ITGB5: variants seen among roughly 807,000 people sequenced by gnomAD.
ITGB5 encodes integrin subunit beta 5.
A neutral mutation model predicts 84.8 loss-of-function variants in ITGB5; 38 were observed. The ratio of observed to expected loss-of-function variants is 0.45; its 90% confidence interval spans 0.35 to 0.59. The LOEUF (loss-of-function observed/expected upper bound fraction) is 0.59, where lower values mean the gene tolerates loss of function less well. Ranked by LOEUF, ITGB5 falls within the 20% of genes least tolerant of loss-of-function variation. The pLI is 0.01. For synonymous variants in ITGB5, 393 were observed against 414.4 expected (o/e 0.95, Z 0.63); for missense variants, 905 against 1,034.5 (o/e 0.87, Z 1.72).
intron 10 of ITGB5, among the ~76,000 whole-genome samples, chr3:124,783,521 T>G (rs956897636): frequency 3.9e-5 from 6 of 152,318 alleles, no homozygotes; most frequent in African/African-American, 1.4e-4. Context: ...GTCAGGCGTG[T>G]AGAAGATGCT....
At chr3:124,875,115 T>C (rs1428262780) in intron 1 of ITGB5, among the ~76,000 whole-genome samples, 1 of 152,112 alleles carries the variant, frequency 6.6e-6, no homozygotes, top group African/African-American at 2.4e-5. Context: ...ATCTGATAAG[T>C]GGTTAACATC....
intron 4 of ITGB5, among the ~76,000 whole-genome samples, chr3:124,845,984 G>T (rs759086937): frequency 6.6e-6 from 1 of 152,200 alleles, no homozygotes; most frequent in Admixed American, 6.5e-5. Flanking sequence ...GCCACCTGTC[G>T]CCAGGAGGAA....
intron 2 of ITGB5, among the ~76,000 whole-genome samples, chr3:124,866,016 G>A (rs1049883036): frequency 2.6e-5 from 4 of 151,982 alleles, no homozygotes; most frequent in Admixed American, 6.6e-5. Context: ...TTGTTTTTGA[G>A]ATGGAATCTC....
chr3:124,773,467 T>C (rs914787444), intron 11 of ITGB5, among the ~76,000 whole-genome samples: 2 of 152,238 alleles, frequency 1.3e-5, no homozygotes, highest in Non-Finnish European at 1.5e-5. Context: ...AGTTTTGTAT[T>C]TCTTGTTCTG....
intron 3 of ITGB5, among the ~76,000 whole-genome samples, chr3:124,851,028 A>C (rs959109590): frequency 6.6e-6 from 1 of 152,220 alleles, no homozygotes; most frequent in Admixed American, 6.5e-5. Context: ...CTGTCCCCCC[A>C]AGTTCCCACC....
chr3:124,849,272 C>T (rs1385769627), intron 3 of ITGB5, among the ~76,000 whole-genome samples: 2 of 152,052 alleles, frequency 1.3e-5, no homozygotes, highest in African/African-American at 2.4e-5. Context: ...TGGGAATGTG[C>T]GTTTGAAACA....
upstream of ITGB5, among the ~76,000 whole-genome samples, chr3:124,889,396 C>G (rs1215698912): frequency 6.6e-6 from 1 of 152,194 alleles, no homozygotes; most frequent in Non-Finnish European, 1.5e-5. Flanking sequence ...AACCAATGTA[C>G]GTCTTACACA....
chr3:124,765,091 CTT>C (rs1380873480), intron 13 of ITGB5, among the ~76,000 whole-genome samples: 1 of 152,198 alleles, frequency 6.6e-6, no homozygotes, highest in East Asian at 1.9e-4. Context: ...TGGTACCACA[CTT>C]CTCTCTGCCT....
intron 2 of ITGB5, among the ~76,000 whole-genome samples, chr3:124,870,511 G>A (rs1234464260): frequency 1.3e-5 from 2 of 152,110 alleles, no homozygotes; most frequent in African/African-American, 2.4e-5. Flanking sequence ...GGTGGATCAC[G>A]AGGTCAGGAG....
At chr3:124,848,622 G>A (rs1466542476) in intron 3 of ITGB5, 64 bp from the exon 4 acceptor site, 7 of 1,530,006 alleles carry the variant, frequency 4.6e-6, no homozygotes, top group Non-Finnish European at 6.1e-6. Flanking sequence ...TGAGGGATGG[G>A]ATTTGCTTTC....
chr3:124,835,010 T>C (rs1219855694), intron 5 of ITGB5, among the ~76,000 whole-genome samples: 3 of 152,152 alleles, frequency 2.0e-5, no homozygotes, highest in Admixed American at 6.5e-5. Flanking sequence ...GCCCCAGCCA[T>C]CAAAGGGGCC....
At chr3:124,829,641 A>C (rs1248352461) in intron 5 of ITGB5, among the ~76,000 whole-genome samples, 3 of 152,170 alleles carry the variant, frequency 2.0e-5, no homozygotes, top group Non-Finnish European at 4.4e-5. Context: ...ACAAACTGGC[A>C]TGTCCTCCCA....
chr3:124,900,624 C>T (rs1935196172), intron 1 of ITGB5, among the ~76,000 whole-genome samples: 1 of 152,114 alleles, frequency 6.6e-6, no homozygotes, highest in African/African-American at 2.4e-5. Flanking sequence ...CATATGTTTT[C>T]CAGGGCTCTC....
At chr3:124,834,156 C>G (rs558551318) in intron 5 of ITGB5, among the ~76,000 whole-genome samples, 3 of 152,108 alleles carry the variant, frequency 2.0e-5, no homozygotes, top group African/African-American at 7.2e-5. Flanking sequence ...TACCTGTTGT[C>G]GTACATTTGT....
In ITGB5 at chr3:124,764,515, A is replaced by C; in HGVS notation, c.2180T>G (p.Val727Gly). The change falls in exon 14 of 15, where the codon GTG becomes GGG. Residue 727 changes from valine (V) to glycine (G), a missense_variant. By Grantham distance (109) the Val-to-Gly change is moderately radical. Coordinates refer to ENST00000296181, the MANE Select transcript of ITGB5 (RefSeq NM_002213.5). ...TPNAMTILLA[V>G]VGSILLVGLA... ...CCCAACAAGGAGGATGCTACCGACC[A>C]CAGCCAGGAGGATGGTCATGGCGTT... The C allele has an allele frequency of 1.2e-6, 2 of 1,613,914 alleles. No individual in the cohort carries two copies. The highest frequency in any genetic ancestry group is 1.7e-6 in the Non-Finnish European group (2 of 1,179,870).
intron 5 of ITGB5, among the ~76,000 whole-genome samples, chr3:124,835,231 C>T (rs969940078): frequency 2.6e-5 from 4 of 152,244 alleles, no homozygotes; most frequent in African/African-American, 9.6e-5. Context: ...AGAACAGCAG[C>T]TGTCGGTGGG....
intron 4 of ITGB5, among the ~76,000 whole-genome samples, chr3:124,842,505 G>A (rs1296176040): frequency 1.3e-5 from 2 of 152,222 alleles, no homozygotes; most frequent in Non-Finnish European, 2.9e-5. Flanking sequence ...ATGTGCAAGA[G>A]TCCTGTGGCA....
intron 2 of ITGB5, among the ~76,000 whole-genome samples, chr3:124,861,495 T>TACACACACAC (rs1553766077): frequency 0.2 from 21,914 of 111,074 alleles, 2,353 homozygotes; most frequent in Middle Eastern, 0.24. Context: ...TATATATATA[T>TACACACACAC]ACACACACAC....
At chr3:124,826,019 C>T (rs2064780683) in intron 5 of ITGB5, among the ~76,000 whole-genome samples, 1 of 152,064 alleles carries the variant, frequency 6.6e-6, no homozygotes, top group African/African-American at 2.4e-5. Flanking sequence ...TAAATATCTA[C>T]AATATAAGAT....
Sources: gnomAD v4.1 joint callset for allele counts (sites outside exome capture counted in the v4.1 genomes callset) on GRCh38, gnomAD v4.1.1 for gene constraint, MANE v1.5 for transcripts, NCBI Gene and HGNC (gene_info 2026-07-23, HGNC 2026-07-21) for gene names.